The following SPSB1 variants were observed in gnomAD, a reference collection of about 807,000 sequenced individuals.
SPSB1 encodes the protein SPRY domain-containing SOCS box protein 1.
In SPSB1, 8 loss-of-function variants were observed where a neutral mutation model predicts 21.2. The ratio of observed to expected loss-of-function variants is 0.38; its 90% confidence interval spans 0.22 to 0.68. SPSB1 has a LOEUF of 0.68. Among genes scored for constraint, SPSB1 ranks in the 30% least tolerant of loss-of-function variants. SPSB1 has a pLI of 0.53. For missense variants in SPSB1, 242 were observed against 377.8 expected (o/e 0.64, Z 2.98); for synonymous variants, 169 against 161.7 (o/e 1.05, Z -0.34).
intron 1 of SPSB1, among the ~76,000 whole-genome samples, chr1:9,329,414 G>C (rs1344569977): frequency 6.6e-6 from 1 of 152,102 alleles, no homozygotes; most frequent in Admixed American, 6.6e-5. Flanking sequence ...GTGGTGGGTA[G>C]GTCAGGTGAG....
intron 1 of SPSB1, chr1:9,339,377 A>G (rs776912087): frequency 1.1e-4 from 97 of 847,424 alleles, no homozygotes; most frequent in Non-Finnish European, 1.3e-4. Context: ...CCGCCAGGCC[A>G]GGTTCTGGCA....
chr1:9,293,716 C>T lies in SPSB1; in HGVS notation c.-150+645C>T, dbSNP rs1229055676. On this transcript the variant is annotated intron_variant, in intron 1 of 2. Coordinates refer to ENST00000328089, the MANE Select transcript of SPSB1 (RefSeq NM_025106.4). The surrounding 1 kb of genome is among the most constrained non-coding windows in gnomAD (Gnocchi z 5.1). Reference sequence around the variant, plus strand: ...TCAGAAAAACAAGGGCGGCCTGGGCCCGCGGGAGGAACCGCGGATGGGTCA... The same window carrying T: ...TCAGAAAAACAAGGGCGGCCTGGGCTCGCGGGAGGAACCGCGGATGGGTCA... 6.6e-6 allele frequency among the ~76,000 whole-genome samples: 1 copy of T among 152,140 alleles called. No homozygotes were observed. The highest frequency in any genetic ancestry group is 1.9e-4 in the East Asian group (1 of 5,184).
chr1:9,356,469 A>G lies in SPSB1; in HGVS notation c.578A>G (p.Asp193Gly). The change falls in exon 2 of 3, where the codon GAT becomes GGT. Residue 193 changes from aspartate to glycine, a missense_variant. By Grantham distance (94) the Asp-to-Gly change is moderately conservative (BLOSUM62 -1). Transcript: ENST00000328089. This position sits in a 1 kb window ranked among gnomAD's most constrained non-coding sequence, Gnocchi z 7.4. ...MDDGTLSFIV[D>G]GQYMGVAFRG... ...GACGGGACTCTGAGCTTCATTGTGGATGGACAGTACATGGGAGTGGCTTTT... is the reference window on the plus strand; with the variant it reads ...GACGGGACTCTGAGCTTCATTGTGGGTGGACAGTACATGGGAGTGGCTTTT... 2.5e-6 allele frequency: 4 copies of G among 1,614,072 alleles called. No individual in the cohort carries two copies. The East Asian group carries it at 8.9e-5, about 36-fold the overall frequency.
chr1:9,360,500 G>A (rs1434283754), intron 2 of SPSB1, among the ~76,000 whole-genome samples: 4 of 152,184 alleles, frequency 2.6e-5, no homozygotes, highest in Non-Finnish European at 4.4e-5. Flanking sequence ...GCGCTCAGGA[G>A]GCCAGGTGTC....
chr1:9,333,400 G>A (rs937348772), intron 1 of SPSB1, among the ~76,000 whole-genome samples: 1 of 147,376 alleles, frequency 6.8e-6, no homozygotes, highest in Non-Finnish European at 1.5e-5. Flanking sequence ...GTGTGATCTC[G>A]GCTCACTGCA....
intron 1 of SPSB1, among the ~76,000 whole-genome samples, chr1:9,340,876 G>A (rs1296322338): frequency 6.6e-6 from 1 of 152,248 alleles, no homozygotes; most frequent in East Asian, 1.9e-4. Flanking sequence ...CACATTTGTA[G>A]TCCTCCTGTG....
rs1438834262 is a variant in SPSB1, at chr1:9,324,865, C to T, written c.-149-30878C>T. On this transcript the variant is annotated intron_variant, in intron 1 of 2. Coordinates refer to ENST00000328089, the MANE Select transcript of SPSB1 (RefSeq NM_025106.4). This position sits in a 1 kb window ranked among gnomAD's most constrained non-coding sequence, Gnocchi z 4.3. ...TCTGTTCGCCTGGCCGTGGAGCCAGCACGGTCTTGTCGGATCCAGACCAGA... is the reference window on the plus strand; with the variant it reads ...TCTGTTCGCCTGGCCGTGGAGCCAGTACGGTCTTGTCGGATCCAGACCAGA... Among the ~76,000 whole-genome samples the T allele has an allele frequency of 6.6e-6, 1 of 152,232 alleles. No individual in the cohort carries two copies. The highest frequency in any genetic ancestry group is 6.5e-5 in the Admixed American group (1 of 15,282).
intron 1 of SPSB1, among the ~76,000 whole-genome samples, chr1:9,329,226 A>T (rs1639873920): frequency 6.6e-6 from 1 of 151,540 alleles, no homozygotes; most frequent in Non-Finnish European, 1.5e-5. Flanking sequence ...CAGCCGGTTG[A>T]GGGTTTGTGG....
chr1:9,344,730 G>A (rs1023062582), intron 1 of SPSB1, among the ~76,000 whole-genome samples: 14 of 152,136 alleles, frequency 9.2e-5, no homozygotes, highest in African/African-American at 3.4e-4. Flanking sequence ...GGGGGCGGAT[G>A]AGTGGATGCC....
rs140737992 is a variant in SPSB1, at chr1:9,327,925, C to A, written c.-149-27818C>A. 3.9e-3 allele frequency among the ~76,000 whole-genome samples: 591 copies of A among 152,356 alleles called. 5 individuals are homozygous for A. Among genetic ancestry groups the A allele is most frequent in the African/African-American group, 0.013 (543 of 41,574 alleles). Reference sequence around the variant, plus strand: ...CAACTCTGGTCTAGATTTAAGAGGACGGGCCCTAACGGGGCCCAGGACCAG... The same window carrying A: ...CAACTCTGGTCTAGATTTAAGAGGAAGGGCCCTAACGGGGCCCAGGACCAG... On this transcript the variant is annotated intron_variant, in intron 1 of 2. Coordinates refer to ENST00000328089, the MANE Select transcript of SPSB1 (RefSeq NM_025106.4).
chr1:9,353,871 T>C (rs1640316516), intron 1 of SPSB1, among the ~76,000 whole-genome samples: 1 of 148,932 alleles, frequency 6.7e-6, no homozygotes, highest in Non-Finnish European at 1.5e-5. Context: ...TGAGACGAGA[T>C]AGCGCCATTG....
Position 9,293,002 on chromosome 1 carries a change from C to T in SPSB1, c.-219C>T. 8 of 981,486 alleles carry T rather than the reference C, an allele frequency of 8.2e-6. No individual in the cohort carries two copies. Among genetic ancestry groups the T allele is most frequent in the Non-Finnish European group, 9.7e-6 (8 of 827,384 alleles). 60.8% of individuals were successfully genotyped at this position (981,486 alleles called of 1,614,324 possible). A position where few individuals can be genotyped will look rare whatever the true frequency, so the allele number is the denominator to read the frequency against. On this transcript the variant is annotated 5_prime_UTR_variant, in exon 1 of 3. Coordinates refer to ENST00000328089, the MANE Select transcript of SPSB1 (RefSeq NM_025106.4). The surrounding 1 kb of genome is among the most constrained non-coding windows in gnomAD (Gnocchi z 5.1). Reference sequence around the variant, plus strand: ...GAGGAGGCGACTTCGCTCCCTGCGGCGGGCGCGGCCCGGGCGCCCGAGCCT... The same window carrying T: ...GAGGAGGCGACTTCGCTCCCTGCGGTGGGCGCGGCCCGGGCGCCCGAGCCT...
chr1:9,347,302 A>T (rs951386119), intron 1 of SPSB1, among the ~76,000 whole-genome samples: 14 of 152,240 alleles, frequency 9.2e-5, no homozygotes, highest in Non-Finnish European at 2.1e-4. Flanking sequence ...AACCTGTAGG[A>T]ATTGCTTTGG....
chr1:9,334,501 G>T (rs916181327), intron 1 of SPSB1, among the ~76,000 whole-genome samples: 2 of 151,866 alleles, frequency 1.3e-5, no homozygotes, highest in Non-Finnish European at 2.9e-5. Flanking sequence ...AATTACAGGC[G>T]TGAGCCACCG....
intron 2 of SPSB1, among the ~76,000 whole-genome samples, chr1:9,359,127 C>T (rs1373446866): frequency 2.0e-5 from 3 of 152,306 alleles, no homozygotes; most frequent in Non-Finnish European, 4.4e-5. Flanking sequence ...TAGTCAGTGA[C>T]GAGGATGCTT....
intron 1 of SPSB1, among the ~76,000 whole-genome samples, chr1:9,336,912 C>A (rs1557457770): frequency 6.6e-6 from 1 of 152,180 alleles, no homozygotes; most frequent in Non-Finnish European, 1.5e-5. Context: ...GCCTTCTAAC[C>A]TGGCACCTCC....
chr1:9,361,255 G>C (rs1034262245), intron 2 of SPSB1, among the ~76,000 whole-genome samples: 2 of 145,996 alleles, frequency 1.4e-5, no homozygotes, highest in African/African-American at 5.2e-5. Flanking sequence ...CTCCTGCCTC[G>C]GTCTTCCAAA....
Position 9,346,019 on chromosome 1 carries a change from T to C in SPSB1, c.-149-9724T>C, listed in dbSNP as rs908969314. 6.7e-6 allele frequency among the ~76,000 whole-genome samples: 1 copy of C among 149,452 alleles called. No homozygotes were observed. Among genetic ancestry groups the C allele is most frequent in the African/African-American group, 2.5e-5 (1 of 40,578 alleles). Reference sequence around the variant, plus strand: ...CCCCGAGCCCTTCCACCACCAAGAGTGTCCCTGCCACTCATGCTCAGGATG... The same window carrying C: ...CCCCGAGCCCTTCCACCACCAAGAGCGTCCCTGCCACTCATGCTCAGGATG... On this transcript the variant is annotated intron_variant, in intron 1 of 2. Transcript: ENST00000328089. The surrounding 1 kb of genome is among the most constrained non-coding windows in gnomAD (Gnocchi z 4.4).
chr1:9,356,285 C>T lies in SPSB1; in HGVS notation c.394C>T (p.Leu132Phe). The T allele has an allele frequency of 6.2e-7, 1 of 1,613,552 alleles. No individual in the cohort carries two copies. The highest frequency in any genetic ancestry group is 8.5e-7 in the Non-Finnish European group (1 of 1,180,006). The change falls in exon 2 of 3, where the codon CTC (leucine) becomes TTC (phenylalanine). Residue 132 changes from leucine (L) to phenylalanine (F), a missense_variant. By Grantham distance (22) the Leu-to-Phe change is conservative. Transcript: ENST00000328089. This position sits in a 1 kb window ranked among gnomAD's most constrained non-coding sequence, Gnocchi z 7.4. ...APLHSVGYTT[L>F]VGNNHESWGW... ...CCTGCACTCTGTCGGGTACACAACC[C>T]TCGTGGGGAATAACCACGAGTCCTG...
Sources: gnomAD v4.1 joint callset for allele counts (sites outside exome capture counted in the v4.1 genomes callset) on GRCh38, gnomAD v4.1.1 for gene constraint, Gnocchi (gnomAD v3.1) non-coding constraint, MANE v1.5 for transcripts, NCBI Gene and HGNC (gene_info 2026-07-23, HGNC 2026-07-21) for gene names.